NRG1: variants seen among roughly 807,000 people sequenced by gnomAD.
NRG1 encodes the protein neuregulin 1, also known as pro-neuregulin-1, membrane-bound isoform.
Under a neutral mutation model 63.8 loss-of-function variants are expected in NRG1, and 18 were observed. The ratio of observed to expected loss-of-function variants is 0.28; its 90% CI spans 0.19 to 0.42. The LOEUF (loss-of-function observed/expected upper bound fraction) is 0.42, where lower values mean the gene tolerates loss of function less well. Among genes scored for constraint, NRG1 ranks in the 10% least tolerant of loss-of-function variants. The probability of loss-of-function intolerance (pLI) is 1.00; values close to 1 mark genes in which losing one functional copy is unlikely to be tolerated. For synonymous variants in NRG1, 302 were observed against 301.3 expected, an observed-to-expected ratio of 1.00 and a Z score of -0.02; for missense variants, 762 against 814.7, an observed-to-expected ratio of 0.94 and a Z score of 0.79.
chr8:32,295,651 G>T (rs1362627025), intron 1 of NRG1, among the ~76,000 whole-genome samples: 2 of 152,064 alleles, frequency 1.3e-5, no homozygotes, highest in Non-Finnish European at 2.9e-5. Flanking sequence ...TGATTGGAAA[G>T]AATTTTAAAG....
intron 5 of NRG1, among the ~76,000 whole-genome samples, chr8:32,711,620 AAAG>A (rs1451248616): frequency 1.3e-5 from 2 of 152,188 alleles, no homozygotes; most frequent in Admixed American, 1.3e-4. Context: ...TATAAAGAGG[AAAG>A]AAGATGTTTA....
chr8:32,308,728 T>C (rs1447430399), intron 1 of NRG1, among the ~76,000 whole-genome samples: 1 of 152,204 alleles, frequency 6.6e-6, no homozygotes, highest in African/African-American at 2.4e-5. Context: ...AGTGTTCAGA[T>C]GCAAGCCATT....
At chr8:32,500,391 C>G (rs1587995311) in intron 1 of NRG1, among the ~76,000 whole-genome samples, 2 of 152,254 alleles carry the variant, frequency 1.3e-5, no homozygotes, top group South Asian at 4.2e-4. Flanking sequence ...TCCTTACCCA[C>G]CTGTAAGGCT....
rs188231589 is a variant in NRG1 at position 32,622,323 on chromosome 8, G to A, written c.502+5438G>A. On this transcript the variant is annotated intron_variant, in intron 5 of 11. Transcript: ENST00000356819. Reference sequence around the variant, plus strand: ...ATAAATTCTGGTGCTGCTAATTACCGTATAATTTTAAACAAATTATGTGAC... The same window carrying A: ...ATAAATTCTGGTGCTGCTAATTACCATATAATTTTAAACAAATTATGTGAC... 2.4e-4 allele frequency among the ~76,000 whole-genome samples: 37 copies of A among 152,188 alleles called. No individual in the cohort carries two copies. The East Asian group carries it at 5.0e-3, about 21-fold the overall frequency.
rs1340790359 is a variant in NRG1 at position 32,616,895 on chromosome 8, C to T, written c.502+10C>T. On this transcript the variant is annotated intron_variant, in intron 5 of 11. Coordinates refer to ENST00000356819, the Ensembl canonical transcript of NRG1. ...GCAAATACTTCTTCATGTAAGTATA[C>T]TTAAATATTCTATTCACTGGTTTTT... 6.4e-7 allele frequency: 1 copy of T among 1,558,712 alleles called. No homozygotes were observed. Among genetic ancestry groups the T allele is most frequent in the Admixed American group, 1.7e-5 (1 of 59,770 alleles).
At chr8:32,397,362 T>C (rs13249268) in intron 1 of NRG1, among the ~76,000 whole-genome samples, 8,640 of 152,266 alleles carry the variant, frequency 0.057, 333 homozygotes, top group Middle Eastern at 0.092. Flanking sequence ...ATTGGGATGT[T>C]AGTTTTGTTA....
At chr8:31,659,710 G>A (rs932872162) in intron 1 of NRG1, among the ~76,000 whole-genome samples, 1 of 152,148 alleles carries the variant, frequency 6.6e-6, no homozygotes, top group African/African-American at 2.4e-5. Context: ...AATATTTTGG[G>A]CTCAGGGCTT....
chr8:32,643,432 A>G (rs1189030683), intron 5 of NRG1, among the ~76,000 whole-genome samples: 1 of 152,290 alleles, frequency 6.6e-6, no homozygotes, highest in Admixed American at 6.5e-5. Context: ...CTCAAGCCAC[A>G]AGGAGAGGCC....
chr8:32,653,145 G>GTTGT (rs1855518313), intron 5 of NRG1, among the ~76,000 whole-genome samples: 1 of 148,494 alleles, frequency 6.7e-6, no homozygotes, highest in Admixed American at 6.8e-5. Context: ...TTGTTTGTTT[G>GTTGT]TTTGTTTGTT....
rs150700157 is a variant in NRG1 at position 32,716,336 on chromosome 8, T to C, written c.503-11613T>C. ...CTGCATGGAAATGTGAGGAACCGAATTGGAAGAATGAACACAGCCTACCAT... is the reference window on the plus strand; with the variant it reads ...CTGCATGGAAATGTGAGGAACCGAACTGGAAGAATGAACACAGCCTACCAT... On this transcript the variant is annotated intron_variant, in intron 5 of 11. Coordinates refer to ENST00000356819, the Ensembl canonical transcript of NRG1. 5.1e-3 allele frequency among the ~76,000 whole-genome samples: 776 copies of C among 152,300 alleles called. 3 individuals are homozygous for C. The highest frequency in any genetic ancestry group is 9.1e-3 in the South Asian group (44 of 4,824).
At chr8:32,508,763 T>C (rs901137348) in intron 1 of NRG1, among the ~76,000 whole-genome samples, 1 of 151,984 alleles carries the variant, frequency 6.6e-6, no homozygotes, top group African/African-American at 2.4e-5. Flanking sequence ...TGAGACAGAG[T>C]CTCACTCCGT....
chr8:32,121,369 C>T lies in NRG1; in HGVS notation c.38-474459C>T, dbSNP rs2131552007. 1.3e-5 allele frequency among the ~76,000 whole-genome samples: 2 copies of T among 151,452 alleles called. 1 individual carries two copies. Among genetic ancestry groups the T allele is most frequent in the South Asian group, 4.2e-4 (2 of 4,784 alleles). ...TTGCCAGGCATTTCCTTTGGGAATC[C>T]ATGTAGGCTGATCATTTACCTGGGA... On this transcript the variant is annotated intron_variant, in intron 1 of 10. Coordinates refer to the NRG1 transcript ENST00000519301.
At chr8:32,763,404 C>G (rs752790044) in intron 11 of NRG1, 2 of 1,595,676 alleles carry the variant, frequency 1.3e-6, no homozygotes, top group Non-Finnish European at 1.7e-6. Flanking sequence ...AATCCCTGAG[C>G]CTTGGTCCTT....
chr8:32,461,349 T>A (rs59924522), intron 1 of NRG1, among the ~76,000 whole-genome samples: 1 of 152,156 alleles, frequency 6.6e-6, no homozygotes, highest in East Asian at 1.9e-4. Flanking sequence ...CCTATTATAC[T>A]ACTATAGCTG....
At chr8:32,379,846 T>C (rs1414857338) in intron 1 of NRG1, among the ~76,000 whole-genome samples, 1 of 152,244 alleles carries the variant, frequency 6.6e-6, no homozygotes, top group Non-Finnish European at 1.5e-5. Context: ...CAAGTTTCTG[T>C]ATTTTCAAGG....
chr8:32,456,346 T>C (rs1335947974), intron 1 of NRG1, among the ~76,000 whole-genome samples: 1 of 152,172 alleles, frequency 6.6e-6, no homozygotes, highest in African/African-American at 2.4e-5. Context: ...TCACAAGCAA[T>C]GTGATCTTAT....
intron 1 of NRG1, among the ~76,000 whole-genome samples, chr8:31,767,847 C>CAAAAAAAAAAAAAAAAAAATAAAAA (rs55792550): frequency 9.6e-6 from 1 of 104,418 alleles, no homozygotes; most frequent in Non-Finnish European, 1.9e-5. Flanking sequence ...AACTCTTTCT[C>CAAAAAAAAAAAAAAAAAAATAAAAA]AAAAAAAAAA....
Position 31,640,636 on chromosome 8 carries a change from C to G in NRG1, c.37+1205C>G. 2 of 1,609,634 alleles carry G rather than the reference C, an allele frequency of 1.2e-6. No homozygotes were observed. The highest frequency in any genetic ancestry group is 1.7e-6 in the Non-Finnish European group (2 of 1,178,830). On this transcript the variant is annotated intron_variant, in intron 1 of 10. Coordinates refer to the NRG1 transcript ENST00000519301. This position sits in a 1 kb window ranked among gnomAD's most constrained non-coding sequence, Gnocchi z 6.3. ...GGAGCCCGACGCCAACAGCACCAGC[C>G]GCGCGCCGGCCGCCTTCCGAGCCTC...
At chr8:32,548,534 C>T (rs1317529012) in exon 1 of NRG1, 6 of 1,249,834 alleles carry the variant, frequency 4.8e-6, no homozygotes, top group Non-Finnish European at 6.0e-6. Flanking sequence ...TTCCAGGTGG[C>T]CGGACCGCCC....
Sources: gnomAD v4.1 joint callset for allele counts (sites outside exome capture counted in the v4.1 genomes callset) on GRCh38, gnomAD v4.1.1 for gene constraint, Gnocchi (gnomAD v3.1) non-coding constraint, MANE v1.5 for transcripts, NCBI Gene and HGNC (gene_info 2026-07-23, HGNC 2026-07-21) for gene names.